Variants in LCK observed in about 807,000 individuals in gnomAD.
The protein encoded by LCK is LCK proto-oncogene, Src family tyrosine kinase, also known as tyrosine-protein kinase Lck.
LCK carries 14 observed loss-of-function variants against 64.6 expected under a neutral mutation model. The observed-to-expected ratio is 0.22, with a 90% CI of 0.14 to 0.34. LCK has a LOEUF of 0.34. Ranked by LOEUF, LCK falls within the 10% of genes least tolerant of loss-of-function variation. The pLI, the probability that LCK is intolerant of heterozygous loss-of-function variation, is 1.00. For missense variants in LCK, 434 were observed against 668.1 expected, an observed-to-expected ratio of 0.65 and a Z score of 3.86; for synonymous variants, 277 against 263.6, an observed-to-expected ratio of 1.05 and a Z score of -0.49.
At chr1:32,264,646 T>C (rs182451470) in intron 1 of LCK, among the ~76,000 whole-genome samples, 67 of 152,296 alleles carry the variant, frequency 4.4e-4, no homozygotes, top group South Asian at 1.2e-3. Context: ...GAAGACAAAG[T>C]GTCTTTTACC....
At position 32,275,458 on chromosome 1, in the gene LCK, TC is replaced by T. The variant is rs752150333; in HGVS notation, c.377+40del. ...CGTCGTGGGGGTGGGTAGGAGCAGA[TC>T]TAGGGATCCTGGAGCAGGGAGTAGG... is the stretch of plus-strand genomic sequence containing the variant. On this transcript the variant is annotated intron_variant, in intron 5 of 12. Transcript: ENST00000336890. The surrounding 1 kb of genome is among the most constrained non-coding windows in gnomAD (Gnocchi z 6.9). 50 of 1,603,308 alleles carry T rather than the reference TC, an allele frequency of 3.1e-5. No individual in the cohort carries two copies. Among genetic ancestry groups the T allele is most frequent in the Non-Finnish European group, 4.3e-5 (50 of 1,171,892 alleles).
At position 32,275,667 on chromosome 1, in the gene LCK, C is replaced by T; in HGVS notation, c.476C>T (p.Thr159Ile). The change falls in exon 6 of 13, where the codon ACC (threonine) becomes ATC (isoleucine). Residue 159 changes from threonine to isoleucine, a missense_variant. Around this residue, in one of 2 missense-constraint regions of LCK, gnomAD observed 233 missense variants for 291.2 expected, o/e 0.80. Transcript: ENST00000336890. The surrounding 1 kb of genome is among the most constrained non-coding windows in gnomAD (Gnocchi z 6.9). ...GSFLIRESES[T>I]AGSFSLSVRD... The stretch of plus-strand genomic sequence containing the variant: ...TTCCTCATCCGGGAGAGCGAGAGCA[C>T]CGCGGGTGAGCGGGCGGCGGTCTCG... 1 of 1,562,032 alleles carries T rather than the reference C, an allele frequency of 6.4e-7. No homozygotes were observed. Among genetic ancestry groups the T allele is most frequent in the Non-Finnish European group, 8.7e-7 (1 of 1,154,834 alleles).
At position 32,257,407 on chromosome 1, in the gene LCK, G is replaced by A. The variant is rs184521150; in HGVS notation, c.-6+6036G>A. 3.0e-3 allele frequency among the ~76,000 whole-genome samples: 451 copies of A among 152,038 alleles called. 2 individuals carry two copies. Among genetic ancestry groups the A allele is most frequent in the African/African-American group, 0.01 (426 of 41,456 alleles). ...TGGGACCACAAGCATGGGACACAAA[G>A]TCCGGCTAATTTTTGTATTTTTTTT... On this transcript the variant is annotated intron_variant, in intron 1 of 12. Transcript: ENST00000336890.
At chr1:32,281,830 C>T (rs904556493) in intron 12 of LCK, among the ~76,000 whole-genome samples, 1 of 151,838 alleles carries the variant, frequency 6.6e-6, no homozygotes, top group Middle Eastern at 3.4e-3. Flanking sequence ...TTTGGGAGGC[C>T]GAGGCGGGTG....
chr1:32,254,325 C>G (rs1340897304), intron 1 of LCK, among the ~76,000 whole-genome samples: 2 of 152,082 alleles, frequency 1.3e-5, no homozygotes, highest in Non-Finnish European at 2.9e-5. Flanking sequence ...TCGAAACCAG[C>G]CTGGCCATCA....
At position 32,251,642 on chromosome 1, in the gene LCK, T is replaced by A. The variant is rs1490053004; in HGVS notation, c.-6+271T>A. On this transcript the variant is annotated intron_variant, in intron 1 of 12. Coordinates refer to ENST00000336890, the MANE Select transcript of LCK (RefSeq NM_005356.5). This position sits in a 1 kb window ranked among gnomAD's most constrained non-coding sequence, Gnocchi z 4.0. ...TCCTGGACACCAGGCACATGGACAG[T>A]CAGGTGTTAAAAAGGCTTCCAGAAA... Among the ~76,000 whole-genome samples the A allele has an allele frequency of 6.6e-6, 1 of 151,962 alleles. No homozygotes were observed. The highest frequency in any genetic ancestry group is 1.5e-5 in the Non-Finnish European group (1 of 67,972).
chr1:32,258,508 G>A (rs997933711), intron 1 of LCK, among the ~76,000 whole-genome samples: 1 of 150,074 alleles, frequency 6.7e-6, no homozygotes, highest in Non-Finnish European at 1.5e-5. Context: ...CAGGCTGGGC[G>A]CAGTGGCTCA....
chr1:32,251,283 G>C lies in LCK; in HGVS notation c.-94G>C, dbSNP rs13312996. On this transcript the variant is annotated 5_prime_UTR_variant, in exon 1 of 13. Transcript: ENST00000336890. This position sits in a 1 kb window ranked among gnomAD's most constrained non-coding sequence, Gnocchi z 4.0. ...GCGCGGGGAGACAGGTGGTGGCTACGACGGCGAAGGGAGCTGAGACTGTCC... is the reference window on the plus strand; with the variant it reads ...GCGCGGGGAGACAGGTGGTGGCTACCACGGCGAAGGGAGCTGAGACTGTCC... The C allele has an allele frequency of 7.9e-5, 12 of 152,690 alleles. No individual in the cohort carries two copies. The highest frequency in any genetic ancestry group is 2.9e-4 in the African/African-American group (12 of 41,468). The allele number at this position is 152,690 out of a possible 1,614,324, so 9.5% of individuals were successfully genotyped here.
intron 1 of LCK, among the ~76,000 whole-genome samples, chr1:32,266,636 C>G (rs1269012278): frequency 6.9e-6 from 1 of 144,042 alleles, no homozygotes. Context: ...CCTTCACCTC[C>G]TCCTCCTCTT....
chr1:32,273,567 C>T (rs947402960), intron 1 of LCK, among the ~76,000 whole-genome samples: 1 of 152,038 alleles, frequency 6.6e-6, no homozygotes, highest in African/African-American at 2.4e-5. Flanking sequence ...TGCAGGGACT[C>T]CGGGGGCTTC....
In LCK at chr1:32,276,940, C is replaced by A; in HGVS notation, c.964+154C>A. On this transcript the variant is annotated intron_variant, in intron 9 of 12. Coordinates refer to ENST00000336890, the MANE Select transcript of LCK (RefSeq NM_005356.5). The surrounding 1 kb of genome is among the most constrained non-coding windows in gnomAD (Gnocchi z 4.6). Reference sequence around the variant, plus strand: ...CTGGAGACTCACCTCCAGCCGGGCGCGGTGGCTCAGGCCTGTAATCCCAGC... The same window carrying A: ...CTGGAGACTCACCTCCAGCCGGGCGAGGTGGCTCAGGCCTGTAATCCCAGC... The A allele has an allele frequency of 2.6e-6, 2 of 766,684 alleles. No individual in the cohort carries two copies. Among genetic ancestry groups the A allele is most frequent in the South Asian group, 2.2e-5 (1 of 45,012 alleles). The allele number at this position is 766,684 out of a possible 1,614,324, so 47.5% of individuals were successfully genotyped here.
In LCK at chr1:32,276,755, C is replaced by A. The variant is rs1015062855; in HGVS notation, c.933C>A (p.Pro311=). Reference sequence around the variant, plus strand: ...TCTACGCTGTGGTCACCCAGGAGCCCATCTACATCATCACTGAATACATGG... The same window carrying A: ...TCTACGCTGTGGTCACCCAGGAGCCAATCTACATCATCACTGAATACATGG... The part of the protein sequence containing the change: ...VRLYAVVTQE[P]IYIITEYMEN... The change falls in exon 9 of 13, where the codon CCC becomes CCA. Residue 311 remains proline (P), a synonymous_variant. Transcript: ENST00000336890. This position sits in a 1 kb window ranked among gnomAD's most constrained non-coding sequence, Gnocchi z 4.6. 3 of 1,611,666 alleles carry A rather than the reference C, an allele frequency of 1.9e-6. No homozygotes were observed. The African/African-American group carries it at 4.0e-5, about 22-fold the overall frequency.
chr1:32,252,581 T>G (rs1348034072), intron 1 of LCK, among the ~76,000 whole-genome samples: 1 of 152,120 alleles, frequency 6.6e-6, no homozygotes. Flanking sequence ...CTCCTCGCAC[T>G]TCAGGGAGGG....
Position 32,280,128 on chromosome 1 carries a change from G to C in LCK, c.1245G>C (p.Gly415=), listed in dbSNP as rs1352124074. ...CAGCGCCAGAAGCCATTAACTACGGGACATTCACCATCAAGTCAGATGTGT... is the reference window on the plus strand; with the variant it reads ...CAGCGCCAGAAGCCATTAACTACGGCACATTCACCATCAAGTCAGATGTGT... ...KWTAPEAINY[G]TFTIKSDVWS... Residue 415 remains glycine (G), a synonymous_variant, in exon 12 of 13, where the codon GGG becomes GGC. Coordinates refer to ENST00000336890, the MANE Select transcript of LCK (RefSeq NM_005356.5). The C allele has an allele frequency of 6.2e-7, 1 of 1,614,040 alleles. No homozygotes were observed. Among genetic ancestry groups the C allele is most frequent in the Non-Finnish European group, 8.5e-7 (1 of 1,180,048 alleles).
In LCK at chr1:32,279,958, C is replaced by T. The variant is rs1192544657; in HGVS notation, c.1159C>T (p.Arg387Cys). The T allele has an allele frequency of 2.5e-6, 4 of 1,614,142 alleles. No homozygotes were observed. The highest frequency in any genetic ancestry group is 1.3e-5 in the African/African-American group (1 of 75,028). ...CAAGATTGCAGACTTTGGCCTAGCA[C>T]GCCTCATTGAGGACAACGAGTACAC... ...SCKIADFGLARLIEDNEYTAR... is the reference protein window; with the variant it reads ...SCKIADFGLACLIEDNEYTAR... Residue 387 changes from arginine (R) to cysteine (C), a missense_variant, in exon 11 of 13, where the codon CGC becomes TGC. By Grantham distance (180) the Arg-to-Cys change is radical. This residue lies in a region of LCK where 201 missense variants were observed against 376.9 expected (regional missense o/e 0.53). Transcript: ENST00000336890.
intron 3 of LCK, 30 bp from the exon 4 acceptor site, chr1:32,274,963 G>A: frequency 6.2e-7 from 1 of 1,614,074 alleles, no homozygotes; most frequent in Non-Finnish European, 8.5e-7. Flanking sequence ...ATCCCAGCTC[G>A]GTTCTCCCTG....
intron 10 of LCK, 37 bp downstream of exon 10, chr1:32,279,784 A>C: frequency 6.2e-7 from 1 of 1,611,102 alleles, no homozygotes; most frequent in Non-Finnish European, 8.5e-7. Flanking sequence ...GCAAGGGAAC[A>C]GACCAGTGAC....
chr1:32,261,474 C>T (rs1409206479), intron 1 of LCK, among the ~76,000 whole-genome samples: 6 of 150,830 alleles, frequency 4.0e-5, no homozygotes, highest in South Asian at 2.1e-4. Flanking sequence ...AGTGAAACCC[C>T]GTCTCTACTA....
chr1:32,269,891 T>C (rs1052456481), intron 1 of LCK, among the ~76,000 whole-genome samples: 8 of 152,184 alleles, frequency 5.3e-5, no homozygotes, highest in African/African-American at 1.7e-4. Context: ...CTAACATTCA[T>C]GTGAGCTTAT....
Sources: gnomAD v4.1 joint callset for allele counts (sites outside exome capture counted in the v4.1 genomes callset) on GRCh38, gnomAD v4.1.1 for gene constraint, gnomAD v4.1.1 regional missense constraint, Gnocchi (gnomAD v3.1) non-coding constraint, MANE v1.5 for transcripts, NCBI Gene and HGNC (gene_info 2026-07-23, HGNC 2026-07-21) for gene names.